MCM5: variants seen among roughly 807,000 people sequenced by gnomAD.
MCM5 encodes minichromosome maintenance complex component 5.
Under a neutral mutation model 79.9 loss-of-function variants are expected in MCM5, and 46 were observed. The observed-to-expected ratio is 0.58, with a 90% CI of 0.45 to 0.74. The LOEUF (loss-of-function observed/expected upper bound fraction) is 0.74, where lower values mean the gene tolerates loss of function less well. MCM5 is among the 30% of genes least tolerant of loss of function. The pLI is 0.00. For synonymous variants in MCM5, 404 were observed against 390.5 expected, an observed-to-expected ratio of 1.03 and a Z score of -0.41; for missense variants, 883 against 1,017.0, an observed-to-expected ratio of 0.87 and a Z score of 1.79.
the MCM5 span, among the ~76,000 whole-genome samples, chr22:35,432,650 C>T: frequency 6.6e-6 from 1 of 152,198 alleles, no homozygotes; most frequent in Non-Finnish European, 1.5e-5. Flanking sequence ...TGGCCCTGGC[C>T]ATCTGCTCAG....
Position 35,416,834 on chromosome 22 carries a change from T to C in MCM5, c.1590+20T>C, listed in dbSNP as rs1342543834. ...GATGTGGTACGTCCAGGGGCAGGGC[T>C]GGTGGCCATGGGACCTGCCTCCAGG... On this transcript the variant is annotated intron_variant, in intron 12 of 16. Coordinates refer to ENST00000216122, the MANE Select transcript of MCM5 (RefSeq NM_006739.4). 1 of 1,609,466 alleles carries C rather than the reference T, an allele frequency of 6.2e-7. No individual in the cohort carries two copies. Among genetic ancestry groups the C allele is most frequent in the Admixed American group, 1.7e-5 (1 of 59,980 alleles).
At position 35,412,684 on chromosome 22, in the gene MCM5, A is replaced by G; in HGVS notation, c.1091+3A>G. 6.8e-7 allele frequency: 1 copy of G among 1,463,368 alleles called. No individual in the cohort carries two copies. Among genetic ancestry groups the G allele is most frequent in the South Asian group, 1.4e-5 (1 of 70,766 alleles). The allele number at this position is 1,463,368 out of a possible 1,614,324, so 90.6% of individuals were successfully genotyped here. On this transcript the variant is annotated splice_donor_region_variant and intron_variant, in intron 8 of 16. Transcript: ENST00000216122. ...CTCTTTGGGGGCTCCCGAAAGAGGT[A>G]GGGGCTTGAGTTCCCTTGGGTTTGG...
the MCM5 span, among the ~76,000 whole-genome samples, chr22:35,442,780 G>T: frequency 1.3e-5 from 2 of 152,160 alleles, no homozygotes; most frequent in Non-Finnish European, 2.9e-5. Context: ...GCCATGGAAG[G>T]CGCCGTGTTC....
Position 35,413,886 on chromosome 22 carries a change from G to A in MCM5, c.1103G>A (p.Gly368Glu). 6.2e-7 allele frequency: 1 copy of A among 1,609,878 alleles called. No homozygotes were observed. The highest frequency in any genetic ancestry group is 8.5e-7 in the Non-Finnish European group (1 of 1,176,156). ...FGGSRKRLPDGLTRRGDINLL... is the reference protein window; with the variant it reads ...FGGSRKRLPDELTRRGDINLL... ...CCTTCGTCCCCCAGGCTCCCTGATG[G>A]ACTTACTCGCCGAGGAGACATCAAC... is the stretch of plus-strand genomic sequence containing the variant. Residue 368 changes from glycine (G) to glutamate (E), a missense_variant, in exon 9 of 17, where the codon GGA (glycine) becomes GAA (glutamate). By Grantham distance (98) the Gly-to-Glu change is moderately conservative. Transcript: ENST00000216122.
At chr22:35,451,038 CCTT>C in the MCM5 span, among the ~76,000 whole-genome samples, 3 of 152,174 alleles carry the variant, frequency 2.0e-5, no homozygotes, top group Non-Finnish European at 4.4e-5. Context: ...GTCCTGCTGT[CCTT>C]TCTTTCCCGG....
At chr22:35,453,819 T>TATATATAGAGAGAGAGAGAG in the MCM5 span, among the ~76,000 whole-genome samples, 8 of 81,546 alleles carry the variant, frequency 9.8e-5, no homozygotes, top group African/African-American at 4.2e-4. Context: ...TATATATATA[T>TATATATAGAGAGAGAGAGAG]AGAGAGAGAG....
the MCM5 span, among the ~76,000 whole-genome samples, chr22:35,442,221 G>A: frequency 2.6e-5 from 4 of 151,826 alleles, no homozygotes; most frequent in South Asian, 6.2e-4. Flanking sequence ...CCAGCGGAAG[G>A]CCCACCACCC....
intron 3 of MCM5, 29 bp downstream of exon 3, chr22:35,403,362 C>T: frequency 6.2e-7 from 1 of 1,614,058 alleles, no homozygotes; most frequent in Non-Finnish European, 8.5e-7. Context: ...CTGAGCTTCC[C>T]AGGGCTGCTC....
chr22:35,448,611 A>T, the MCM5 span, among the ~76,000 whole-genome samples: 1 of 152,260 alleles, frequency 6.6e-6, no homozygotes, highest in African/African-American at 2.4e-5. Flanking sequence ...CTCCAGGAGC[A>T]TGCATCCAGC....
In MCM5 at chr22:35,400,417, T is replaced by G. The variant is rs748666569; in HGVS notation, c.-8-14T>G. The G allele has an allele frequency of 9.9e-6, 16 of 1,613,942 alleles. No homozygotes were observed. In the South Asian group the frequency reaches 1.6e-4, roughly 17 times the overall value. ...CTGCCCCCAGCCTGTTCTGGCCGTT[T>G]GTTCCCACCCCAGGCGCAGTCATGT... On this transcript the variant is annotated splice_polypyrimidine_tract_variant and intron_variant, in intron 1 of 16. Transcript: ENST00000216122.
intron 5 of MCM5, among the ~76,000 whole-genome samples, chr22:35,408,086 G>A (rs1301200231): frequency 1.3e-5 from 2 of 152,214 alleles, no homozygotes; most frequent in African/African-American, 4.8e-5. Context: ...TAAGAGAATT[G>A]ATGAACTAGC....
intron 10 of MCM5, 146 bp from the exon 11 acceptor site, chr22:35,416,193 A>G (rs905740309): frequency 9.6e-6 from 9 of 938,926 alleles, no homozygotes; most frequent in Non-Finnish European, 1.2e-5. Flanking sequence ...AGTTGTTCCC[A>G]TGATTAGAGG....
chr22:35,438,401 A>G, the MCM5 span, among the ~76,000 whole-genome samples: 2 of 151,014 alleles, frequency 1.3e-5, no homozygotes, highest in Non-Finnish European at 3.0e-5. Context: ...CCATCCACCC[A>G]CCCACATATT....
At chr22:35,429,621 C>T (rs575340919), downstream of MCM5, among the ~76,000 whole-genome samples, 1 of 152,082 alleles carries the variant, frequency 6.6e-6, no homozygotes, top group East Asian at 1.9e-4. Context: ...ACTGCAACCT[C>T]CACCTCCTGG....
At chr22:35,401,877 C>T (rs1408445601) in intron 2 of MCM5, 64 of 368,132 alleles carry the variant, frequency 1.7e-4, no homozygotes, top group Non-Finnish European at 9.1e-5. Flanking sequence ...GAGCTAAGGT[C>T]AGAGTTGCAG....
At chr22:35,432,544 TCTC>T in the MCM5 span, among the ~76,000 whole-genome samples, 1 of 152,088 alleles carries the variant, frequency 6.6e-6, no homozygotes, top group East Asian at 1.9e-4. Context: ...TCTGGAAGTA[TCTC>T]CTCCAACTTC....
chr22:35,423,399 T>C, intron 16 of MCM5, 58 bp downstream of exon 16: 1 of 1,526,854 alleles, frequency 6.5e-7, no homozygotes, highest in Non-Finnish European at 8.9e-7. Flanking sequence ...CTTCTGCTGG[T>C]TCCCACCCAC....
the MCM5 span, among the ~76,000 whole-genome samples, chr22:35,448,577 A>G: frequency 2.0e-5 from 3 of 152,250 alleles, no homozygotes; most frequent in African/African-American, 7.2e-5. Context: ...GCAATGGGGA[A>G]TGAGACAGAC....
chr22:35,400,945 G>T (rs4645734), intron 2 of MCM5, among the ~76,000 whole-genome samples: 3 of 152,038 alleles, frequency 2.0e-5, no homozygotes, highest in African/African-American at 7.2e-5. Context: ...TCAGCCTCCC[G>T]AGTAGGTGGG....
Sources: allele counts gnomAD v4.1 joint callset (sites outside exome capture counted in the v4.1 genomes callset), GRCh38; gene constraint gnomAD v4.1.1; transcripts MANE v1.5; gene names NCBI Gene and HGNC (gene_info 2026-07-23, HGNC 2026-07-21).